The following OR2C1 variants were observed in gnomAD, a reference collection of about 807,000 sequenced individuals.
OR2C1 encodes the protein olfactory receptor 2C1.
For synonymous variants in OR2C1, 209 were observed against 167.3 expected (o/e 1.25, Z -1.92); for missense variants, 468 against 388.3 (o/e 1.21, Z -1.73).
the OR2C1 span, among the ~76,000 whole-genome samples, chr16:3,340,243 C>T: frequency 2.0e-5 from 3 of 151,708 alleles, no homozygotes; most frequent in Non-Finnish European, 4.4e-5. Context: ...CACACCACTG[C>T]ACTCCAGCCT....
In OR2C1 at chr16:3,357,094, G is replaced by T. The variant is rs760586300; in HGVS notation, c.*215G>T. On this transcript the variant is annotated 3_prime_UTR_variant, in exon 1 of 1. Coordinates refer to ENST00000304936, the MANE Select transcript of OR2C1 (RefSeq NM_012368.3). ...ACCAAAAATCCTACTGTGGACTACC[G>T]ATAGCAGGGGAGACATGTTGTTGAG... 3.9e-6 allele frequency: 2 copies of T among 518,168 alleles called. No homozygotes were observed. Among genetic ancestry groups the T allele is most frequent in the East Asian group, 3.4e-5 (1 of 29,094 alleles). 32.1% of individuals were successfully genotyped at this position (518,168 alleles called of 1,614,324 possible). A position where few individuals can be genotyped will look rare whatever the true frequency, so the allele number is the denominator to read the frequency against.
At chr16:3,333,750 T>C in the OR2C1 span, among the ~76,000 whole-genome samples, 2 of 152,206 alleles carry the variant, frequency 1.3e-5, no homozygotes, top group Non-Finnish European at 2.9e-5. Flanking sequence ...TTTGAGATCT[T>C]ACACAAAAAT....
chr16:3,338,779 G>A, the OR2C1 span, among the ~76,000 whole-genome samples: 3 of 151,918 alleles, frequency 2.0e-5, no homozygotes, highest in Admixed American at 6.6e-5. Flanking sequence ...CTTGTGATCC[G>A]CCCGCCTCGG....
chr16:3,327,602 G>C, the OR2C1 span, among the ~76,000 whole-genome samples: 14 of 150,786 alleles, frequency 9.3e-5, no homozygotes, highest in Non-Finnish European at 1.5e-4. Flanking sequence ...GGTCCGGAAG[G>C]GATACTAGAT....
At chr16:3,353,656 T>G (rs1248837014), upstream of OR2C1, among the ~76,000 whole-genome samples, 1 of 151,138 alleles carries the variant, frequency 6.6e-6, no homozygotes, top group African/African-American at 2.4e-5. Context: ...CAAAAATTAG[T>G]CAGGCGTGGT....
chr16:3,350,055 C>CTT, the OR2C1 span, among the ~76,000 whole-genome samples: 2,202 of 102,636 alleles, frequency 0.021, 113 homozygotes, highest in Middle Eastern at 0.06. Flanking sequence ...AAAAGGGAAT[C>CTT]TTTTTTTTTT....
At chr16:3,337,986 T>C in the OR2C1 span, among the ~76,000 whole-genome samples, 1 of 152,202 alleles carries the variant, frequency 6.6e-6, no homozygotes, top group Non-Finnish European at 1.5e-5. Flanking sequence ...GGTCACTGCG[T>C]CCTTTTTGGC....
chr16:3,336,801 C>G, the OR2C1 span, among the ~76,000 whole-genome samples: 1 of 147,694 alleles, frequency 6.8e-6, no homozygotes, highest in Admixed American at 6.8e-5. Flanking sequence ...CTCCGTCTCC[C>G]AGGTTCAAGC....
the OR2C1 span, among the ~76,000 whole-genome samples, chr16:3,334,819 G>A: frequency 1.3e-5 from 2 of 149,174 alleles, no homozygotes; most frequent in South Asian, 4.2e-4. Flanking sequence ...CTTCCACTTT[G>A]TTCTTTTTTT....
At chr16:3,324,938 A>G in the OR2C1 span, among the ~76,000 whole-genome samples, 5 of 152,102 alleles carry the variant, frequency 3.3e-5, no homozygotes, top group African/African-American at 1.2e-4. Context: ...TTATATTTAC[A>G]CTGTACTGTA....
the OR2C1 span, among the ~76,000 whole-genome samples, chr16:3,347,639 A>G: frequency 6.6e-6 from 1 of 152,076 alleles, no homozygotes; most frequent in Non-Finnish European, 1.5e-5. Flanking sequence ...TTCTCAGAAA[A>G]TGAGATCATA....
upstream of OR2C1, among the ~76,000 whole-genome samples, chr16:3,355,677 G>A (rs753817826): frequency 4.6e-5 from 7 of 152,120 alleles, no homozygotes; most frequent in Admixed American, 2.0e-4. Flanking sequence ...AGTTACTTGG[G>A]AGGCTGAGAC....
the OR2C1 span, among the ~76,000 whole-genome samples, chr16:3,344,374 A>G: frequency 1.3e-5 from 2 of 152,246 alleles, no homozygotes; most frequent in Admixed American, 1.3e-4. Context: ...CTCATTAGTA[A>G]TCAGAGAAAT....
the OR2C1 span, among the ~76,000 whole-genome samples, chr16:3,346,693 A>C: frequency 7.0e-6 from 1 of 142,172 alleles, no homozygotes; most frequent in African/African-American, 2.6e-5. Context: ...GCAGTGGCGC[A>C]ATCTTGGCTC....
chr16:3,333,761 A>G, the OR2C1 span, among the ~76,000 whole-genome samples: 2 of 152,188 alleles, frequency 1.3e-5, no homozygotes, highest in Non-Finnish European at 2.9e-5. Context: ...ACACAAAAAT[A>G]TCTTTGCCTA....
At chr16:3,342,409 C>T in the OR2C1 span, among the ~76,000 whole-genome samples, 2 of 152,150 alleles carry the variant, frequency 1.3e-5, no homozygotes, top group African/African-American at 4.8e-5. Context: ...AAGTTTATCT[C>T]GACTGGCCTA....
chr16:3,336,704 C>T, the OR2C1 span, among the ~76,000 whole-genome samples: 90 of 44,758 alleles, frequency 2.0e-3, no homozygotes, highest in African/African-American at 2.2e-3. Context: ...TCTTTTCTTT[C>T]TTTCTTTCTT....
chr16:3,351,222 T>TTTC (rs1567284942), upstream of OR2C1, among the ~76,000 whole-genome samples: 1 of 6,284 alleles, frequency 1.6e-4, no homozygotes, highest in African/African-American at 3.5e-4. Context: ...TTCTTTTTCT[T>TTTC]TTTCTTTTTT....
chr16:3,337,305 C>T, the OR2C1 span, among the ~76,000 whole-genome samples: 1 of 151,934 alleles, frequency 6.6e-6, no homozygotes, highest in African/African-American at 2.4e-5. Context: ...CCAGTGAGGG[C>T]CACCATGCCC....
Sources: gnomAD v4.1 joint callset for allele counts (sites outside exome capture counted in the v4.1 genomes callset) on GRCh38, gnomAD v4.1.1 for gene constraint, MANE v1.5 for transcripts, NCBI Gene and HGNC (gene_info 2026-07-23, HGNC 2026-07-21) for gene names.